Variants in DLG2 observed in about 807,000 individuals in gnomAD.
DLG2 encodes the protein disks large homolog 2.
DLG2 carries 45 observed loss-of-function variants against 132.5 expected under a neutral mutation model. That is an observed-to-expected ratio of 0.34 (90% CI 0.27 to 0.44). The LOEUF is 0.44. Among genes scored for constraint, DLG2 ranks in the 20% least tolerant of loss-of-function variants. The probability of loss-of-function intolerance (pLI) is 1.00; values close to 1 mark genes in which losing one functional copy is unlikely to be tolerated. For synonymous variants in DLG2, 424 were observed against 419.6 expected (o/e 1.01, Z -0.13); for missense variants, 1,045 against 1,196.9 (o/e 0.87, Z 1.87).
chr11:84,618,701 C>T (rs956070800), intron 6 of DLG2, among the ~76,000 whole-genome samples: 1 of 152,004 alleles, frequency 6.6e-6, no homozygotes, highest in Non-Finnish European at 1.5e-5. Context: ...GAAAACGTCT[C>T]CATATTGACC....
At chr11:84,739,254 C>A (rs891528804) in intron 6 of DLG2, among the ~76,000 whole-genome samples, 1 of 152,056 alleles carries the variant, frequency 6.6e-6, no homozygotes, top group Admixed American at 6.5e-5. Flanking sequence ...AAACTCAAGA[C>A]CAAAGAATTA....
intron 16 of DLG2, among the ~76,000 whole-genome samples, chr11:83,872,583 G>C (rs1004119670): frequency 1.3e-5 from 2 of 152,150 alleles, no homozygotes; most frequent in African/African-American, 4.8e-5. Context: ...GGCCTCATCA[G>C]AGAAGAAGAA....
intron 8 of DLG2, among the ~76,000 whole-genome samples, chr11:84,190,514 T>C (rs1302230443): frequency 6.6e-6 from 1 of 152,208 alleles, no homozygotes; most frequent in African/African-American, 2.4e-5. Flanking sequence ...GAATAATTCT[T>C]GGAACTTATT....
At chr11:85,164,215 C>T (rs1167707695) in intron 4 of DLG2, among the ~76,000 whole-genome samples, 1 of 152,008 alleles carries the variant, frequency 6.6e-6, no homozygotes, top group Non-Finnish European at 1.5e-5. Context: ...ATATAAATTT[C>T]CTACATAAAA....
At chr11:84,353,170 C>G (rs148008450) in intron 7 of DLG2, among the ~76,000 whole-genome samples, 3 of 152,194 alleles carry the variant, frequency 2.0e-5, no homozygotes, top group African/African-American at 7.2e-5. Context: ...TGCTTCTCAA[C>G]TTACTGCCAA....
intron 4 of DLG2, among the ~76,000 whole-genome samples, chr11:85,199,942 C>CTTT (rs749722409): frequency 2.8e-5 from 4 of 140,954 alleles, no homozygotes; most frequent in Admixed American, 1.4e-4. Context: ...CCAGGAATTA[C>CTTT]TTTTTTTTTT....
At chr11:83,861,246 A>G (rs2154050081) in intron 16 of DLG2, among the ~76,000 whole-genome samples, 1 of 152,310 alleles carries the variant, frequency 6.6e-6, no homozygotes, top group Non-Finnish European at 1.5e-5. Context: ...TGGTGAGGAT[A>G]TAGAGAAAAG....
At chr11:84,636,260 G>C (rs545953396) in intron 6 of DLG2, among the ~76,000 whole-genome samples, 2 of 152,172 alleles carry the variant, frequency 1.3e-5, no homozygotes, top group Non-Finnish European at 2.9e-5. Context: ...TCATTTGGCC[G>C]AGAAATAGCC....
intron 9 of DLG2, among the ~76,000 whole-genome samples, chr11:84,110,113 C>T (rs990239059): frequency 6.6e-6 from 1 of 152,184 alleles, no homozygotes; most frequent in Non-Finnish European, 1.5e-5. Flanking sequence ...AAATCTCAAA[C>T]TCCAATGCCT....
At chr11:85,141,583 C>T (rs1480979110) in intron 5 of DLG2, among the ~76,000 whole-genome samples, 2 of 151,738 alleles carry the variant, frequency 1.3e-5, no homozygotes, top group Non-Finnish European at 3.0e-5. Context: ...TCTATTTATG[C>T]TTTGGTTGCC....
intron 20 of DLG2, among the ~76,000 whole-genome samples, chr11:83,534,060 C>A (rs1427708014): frequency 1.3e-5 from 2 of 152,122 alleles, no homozygotes; most frequent in Non-Finnish European, 1.5e-5. Flanking sequence ...GGACTCCCGC[C>A]TGTTTGAAGG....
Position 85,098,338 on chromosome 11 carries a change from C to T in DLG2, c.357+13323G>A, listed in dbSNP as rs575082994. Among the ~76,000 whole-genome samples the T allele has an allele frequency of 2.0e-5, 3 of 152,270 alleles. No individual in the cohort carries two copies. The East Asian group carries it at 5.8e-4, about 29-fold the overall frequency. On this transcript the variant is annotated intron_variant, in intron 6 of 27. Coordinates refer to ENST00000376104, the MANE Select transcript of DLG2 (RefSeq NM_001142699.3). ...TCCCTTCCACAGCCCAGTTTCTTTC[C>T]AGATTCTGCGCACTGTCCAAATGCA...
chr11:84,751,162 T>C (rs956702598), intron 6 of DLG2, among the ~76,000 whole-genome samples: 2 of 152,082 alleles, frequency 1.3e-5, no homozygotes, highest in Non-Finnish European at 2.9e-5. Flanking sequence ...GAGGGAAGAA[T>C]ATACAGACTT....
chr11:85,045,913 G>C (rs2062300829), intron 6 of DLG2, among the ~76,000 whole-genome samples: 1 of 151,998 alleles, frequency 6.6e-6, no homozygotes, highest in Non-Finnish European at 1.5e-5. Context: ...GTTGGCAGAG[G>C]AAGGATCCAA....
intron 9 of DLG2, among the ~76,000 whole-genome samples, chr11:84,161,345 A>G (rs1201719662): frequency 2.0e-5 from 3 of 152,172 alleles, no homozygotes; most frequent in Admixed American, 6.5e-5. Context: ...TGAGGTTCCA[A>G]TGGGGCTAAA....
At chr11:84,915,982 G>A (rs1160452307) in intron 6 of DLG2, among the ~76,000 whole-genome samples, 2 of 152,062 alleles carry the variant, frequency 1.3e-5, no homozygotes, top group Non-Finnish European at 2.9e-5. Context: ...GAGACCAAAA[G>A]AAAAGGAAAT....
At chr11:84,967,732 C>T (rs550267663) in intron 6 of DLG2, among the ~76,000 whole-genome samples, 4 of 152,012 alleles carry the variant, frequency 2.6e-5, no homozygotes, top group Non-Finnish European at 5.9e-5. Context: ...TGTTATATTT[C>T]CATGATTGGA....
intron 4 of DLG2, among the ~76,000 whole-genome samples, chr11:85,179,832 T>C (rs1012852973): frequency 2.6e-5 from 4 of 151,926 alleles, no homozygotes; most frequent in African/African-American, 9.7e-5. Flanking sequence ...TACTTCCTAT[T>C]CTGCAAGTGC....
At chr11:83,470,516 G>A (rs193288503) in intron 24 of DLG2, among the ~76,000 whole-genome samples, 1 of 152,232 alleles carries the variant, frequency 6.6e-6, no homozygotes, top group Admixed American at 6.5e-5. Flanking sequence ...AAGGTGAAAG[G>A]GAAAGCAGAA....
Sources: allele counts gnomAD v4.1 joint callset (sites outside exome capture counted in the v4.1 genomes callset), GRCh38; gene constraint gnomAD v4.1.1; transcripts MANE v1.5; gene names NCBI Gene and HGNC (gene_info 2026-07-23, HGNC 2026-07-21).